RHOU: variants seen among roughly 807,000 people sequenced by gnomAD.
RHOU encodes the protein ras homolog family member U.
RHOU carries 8 observed loss-of-function variants against 12.6 expected under a neutral mutation model. That is an observed-to-expected ratio of 0.64 (90% CI 0.37 to 1.15). The LOEUF (loss-of-function observed/expected upper bound fraction) is 1.15. Among genes scored for constraint, RHOU ranks in the 50% most tolerant of loss-of-function variants. The pLI is 0.01. For synonymous variants in RHOU, 161 were observed against 147.4 expected, an observed-to-expected ratio of 1.09 and a Z score of -0.67; for missense variants, 258 against 347.0, an observed-to-expected ratio of 0.74 and a Z score of 2.04.
At chr1:228,659,207 T>C in the RHOU span, among the ~76,000 whole-genome samples, 3 of 151,746 alleles carry the variant, frequency 2.0e-5, no homozygotes, top group African/African-American at 7.3e-5. Context: ...GGAGAAACCC[T>C]GTCTCTACTA....
the RHOU span, among the ~76,000 whole-genome samples, chr1:228,672,258 C>G: frequency 6.6e-6 from 1 of 152,194 alleles, no homozygotes; most frequent in East Asian, 1.9e-4. Flanking sequence ...ACCTCTGCCT[C>G]CCGGGTTCAA....
At chr1:228,692,375 A>T in the RHOU span, among the ~76,000 whole-genome samples, 1 of 152,154 alleles carries the variant, frequency 6.6e-6, no homozygotes, top group African/African-American at 2.4e-5. Context: ...AGTTTTCTTC[A>T]TATTATTCTT....
chr1:228,745,596 TTG>T lies in RHOU; in HGVS notation c.*1857_*1858del, dbSNP rs1662815499. ...ATAGACTGATTGATTATTCAACACA[TTG>T]GAATTGATGTCGGTCATAGTTTCCT... On this transcript the variant is annotated 3_prime_UTR_variant, in exon 3 of 3. Coordinates refer to ENST00000366691, the MANE Select transcript of RHOU (RefSeq NM_021205.6). 4 of 152,324 alleles carry T rather than the reference TTG, an allele frequency of 2.6e-5. No homozygotes were observed. In the East Asian group the frequency reaches 7.7e-4, roughly 29 times the overall value. The allele number at this position is 152,324 out of a possible 1,614,324, so 9.4% of individuals were successfully genotyped here. A position where few individuals can be genotyped will look rare whatever the true frequency, so the allele number is the denominator to read the frequency against.
the RHOU span, among the ~76,000 whole-genome samples, chr1:228,706,052 C>CA: frequency 1.3e-4 from 19 of 150,508 alleles, no homozygotes; most frequent in South Asian, 4.2e-4. Flanking sequence ...TTTCAAAAAA[C>CA]AAAAAAAAAG....
At chr1:228,671,162 G>T in the RHOU span, among the ~76,000 whole-genome samples, 1 of 151,930 alleles carries the variant, frequency 6.6e-6, no homozygotes, top group Non-Finnish European at 1.5e-5. Flanking sequence ...GCATCATCAT[G>T]CCCAGCTAAT....
In RHOU at chr1:228,737,879, T is replaced by G. The variant is rs1277735164; in HGVS notation, c.321+148T>G. On this transcript the variant is annotated intron_variant, in intron 2 of 2. Coordinates refer to ENST00000366691, the MANE Select transcript of RHOU (RefSeq NM_021205.6). The surrounding 1 kb of genome is among the most constrained non-coding windows in gnomAD (Gnocchi z 4.1). ...CCTGCTGTTGGCCCTTCTCTGAGGG[T>G]GGGCAGGGGCCAGGTTATTGGCCGG... 3.4e-5 allele frequency: 27 copies of G among 788,292 alleles called. No individual in the cohort carries two copies. The East Asian group carries it at 7.3e-4, about 21-fold the overall frequency. 48.8% of individuals were successfully genotyped at this position (788,292 alleles called of 1,614,324 possible).
At chr1:228,677,561 C>G in the RHOU span, among the ~76,000 whole-genome samples, 94 of 152,088 alleles carry the variant, frequency 6.2e-4, no homozygotes, top group African/African-American at 2.2e-3. Context: ...AAGTGAAATG[C>G]AAAGCCAGCA....
chr1:228,734,991 A>G (rs1195943049), upstream of RHOU: 1 of 152,250 alleles, frequency 6.6e-6, no homozygotes, highest in East Asian at 1.9e-4. Context: ...TTAAGGAAAA[A>G]AGCTGTCTGT....
the RHOU span, among the ~76,000 whole-genome samples, chr1:228,729,796 T>A: frequency 2.0e-5 from 3 of 152,378 alleles, no homozygotes; most frequent in East Asian, 5.8e-4. Context: ...GATTGATTTT[T>A]ACATCTTAAA....
the RHOU span, among the ~76,000 whole-genome samples, chr1:228,659,819 T>A: frequency 6.7e-6 from 1 of 150,158 alleles, no homozygotes. Context: ...CCATCTCTAC[T>A]AAAAATACAA....
chr1:228,693,559 C>T, the RHOU span, among the ~76,000 whole-genome samples: 6 of 152,272 alleles, frequency 3.9e-5, no homozygotes, highest in Admixed American at 1.3e-4. Context: ...CTCTGCCTCC[C>T]GGGTTCAAGC....
chr1:228,675,838 G>T, the RHOU span, among the ~76,000 whole-genome samples: 2 of 152,070 alleles, frequency 1.3e-5, no homozygotes, highest in African/African-American at 2.4e-5. Context: ...TTAATACAGA[G>T]ATTTTATTTG....
chr1:228,737,105 G>T lies in RHOU; in HGVS notation c.263-568G>T, dbSNP rs971035564. On this transcript the variant is annotated intron_variant, in intron 1 of 2. Transcript: ENST00000366691. The surrounding 1 kb of genome is among the most constrained non-coding windows in gnomAD (Gnocchi z 4.1). ...GTCCCCGGATCCCAGTGGAAAGGGG[G>T]CCATGGCTTTCTTTTTTCTTTTTTA... Among the ~76,000 whole-genome samples the T allele has an allele frequency of 2.0e-5, 3 of 152,182 alleles. No individual in the cohort carries two copies. The highest frequency in any genetic ancestry group is 7.2e-5 in the African/African-American group (3 of 41,434).
the RHOU span, chr1:228,650,002 C>A: frequency 5.9e-6 from 2 of 337,218 alleles, no homozygotes; most frequent in Non-Finnish European, 1.1e-5. Flanking sequence ...AGATTTTTAA[C>A]CATAATTATT....
the RHOU span, among the ~76,000 whole-genome samples, chr1:228,678,937 AG>A: frequency 6.6e-6 from 1 of 152,160 alleles, no homozygotes; most frequent in Non-Finnish European, 1.5e-5. Flanking sequence ...TTGGACAGAA[AG>A]GCTACAGGGC....
At chr1:228,657,105 G>A in the RHOU span, among the ~76,000 whole-genome samples, 1 of 151,692 alleles carries the variant, frequency 6.6e-6, no homozygotes, top group Non-Finnish European at 1.5e-5. Flanking sequence ...ATGAAACCCT[G>A]TCTCTACTAA....
rs772614369 is a variant in RHOU at position 228,743,711 on chromosome 1, T to C, written c.748T>C (p.Trp250Arg). The C allele has an allele frequency of 4.3e-6, 7 of 1,613,404 alleles. No individual in the cohort carries two copies. The highest frequency in any genetic ancestry group is 1.3e-5 in the African/African-American group (1 of 74,854). ...PDKMKNLSKS[W>R]WKKYCCFV Reference sequence around the variant, plus strand: ...TAAAATGAAAAACCTCTCCAAGTCCTGGTGGAAGAAGTACTGCTGTTTCGT... The same window carrying C: ...TAAAATGAAAAACCTCTCCAAGTCCCGGTGGAAGAAGTACTGCTGTTTCGT... The change falls in exon 3 of 3, where the codon TGG becomes CGG. Residue 250 changes from tryptophan to arginine, a missense_variant. Trp to Arg is a moderately radical substitution (Grantham distance 101). Transcript: ENST00000366691. This position sits in a 1 kb window ranked among gnomAD's most constrained non-coding sequence, Gnocchi z 5.1.
At chr1:228,710,964 C>T in the RHOU span, among the ~76,000 whole-genome samples, 2 of 151,350 alleles carry the variant, frequency 1.3e-5, no homozygotes, top group Non-Finnish European at 3.0e-5. Context: ...TCAGCAAAGT[C>T]TCAGGATACA....
At chr1:228,720,552 C>T in the RHOU span, among the ~76,000 whole-genome samples, 1 of 152,136 alleles carries the variant, frequency 6.6e-6, no homozygotes, top group Non-Finnish European at 1.5e-5. Context: ...GAAACTAGCA[C>T]ACAGACACAT....
Sources: allele counts gnomAD v4.1 joint callset (sites outside exome capture counted in the v4.1 genomes callset), GRCh38; gene constraint gnomAD v4.1.1; non-coding constraint Gnocchi (gnomAD v3.1); transcripts MANE v1.5; gene names NCBI Gene and HGNC (gene_info 2026-07-23, HGNC 2026-07-21).